RIC1: variants seen among roughly 807,000 people sequenced by gnomAD.
RIC1 encodes RIC1 partner of RAB6A GEF complex.
A neutral mutation model predicts 169.0 loss-of-function variants in RIC1; 88 were observed. The observed-to-expected ratio is 0.52, with a 90% CI of 0.44 to 0.62. The LOEUF is 0.62. Among genes scored for constraint, RIC1 ranks in the 20% least tolerant of loss-of-function variants. RIC1 has a pLI of 0.00. For synonymous variants in RIC1, 790 were observed against 601.5 expected (o/e 1.31, Z -4.59); for missense variants, 1,877 against 1,725.5 (o/e 1.09, Z -1.56).
At chr9:5,739,807 A>C (rs186562954) in intron 8 of RIC1, among the ~76,000 whole-genome samples, 4 of 152,142 alleles carry the variant, frequency 2.6e-5, no homozygotes, top group Non-Finnish European at 5.9e-5. Context: ...AACTCAGTGA[A>C]TCTAGCTTCA....
chr9:5,670,519 T>C (rs924022031), intron 2 of RIC1, among the ~76,000 whole-genome samples: 3 of 152,238 alleles, frequency 2.0e-5, no homozygotes, highest in African/African-American at 4.8e-5. Context: ...GACCTACTTA[T>C]TGTATATTAC....
intron 2 of RIC1, among the ~76,000 whole-genome samples, chr9:5,663,073 T>C (rs1029171359): frequency 6.6e-6 from 1 of 152,232 alleles, no homozygotes; most frequent in Non-Finnish European, 1.5e-5. Context: ...ATTTCTGCCT[T>C]AATTTCATTA....
chr9:5,742,690 A>G (rs899822547), intron 8 of RIC1, among the ~76,000 whole-genome samples, 179 bp from the exon 9 acceptor site: 1 of 152,126 alleles, frequency 6.6e-6, no homozygotes, highest in Admixed American at 6.5e-5. Context: ...AGATCAGGAC[A>G]AAACTAATGG....
rs939394509 is a variant in RIC1 at position 5,744,936 on chromosome 9, G to C, written c.1096-995G>C. Among the ~76,000 whole-genome samples the C allele has an allele frequency of 2.6e-5, 4 of 152,150 alleles. No individual in the cohort carries two copies. The South Asian group carries it at 8.3e-4, about 32-fold the overall frequency. On this transcript the variant is annotated intron_variant, in intron 10 of 25. Coordinates refer to ENST00000414202, the MANE Select transcript of RIC1 (RefSeq NM_020829.4). ...TCTTCTCTCTTGCTCCACAGAGGAA[G>C]ACATTCTTCTGATCTTGAGTTTCTT...
chr9:5,679,012 A>T (rs1048371109), intron 2 of RIC1, among the ~76,000 whole-genome samples: 1 of 151,924 alleles, frequency 6.6e-6, no homozygotes, highest in Non-Finnish European at 1.5e-5. Flanking sequence ...ATCTTGAATT[A>T]ATTTTTGTAT....
intron 3 of RIC1, among the ~76,000 whole-genome samples, chr9:5,708,640 A>T (rs897633491): frequency 6.6e-6 from 1 of 152,024 alleles, no homozygotes; most frequent in African/African-American, 2.4e-5. Context: ...GATCTCTTGT[A>T]TGTGAGGAGT....
intron 12 of RIC1, among the ~76,000 whole-genome samples, chr9:5,749,378 T>G (rs1479815033): frequency 6.6e-6 from 1 of 152,198 alleles, no homozygotes; most frequent in Admixed American, 6.5e-5. Context: ...GTCTATATAA[T>G]GCTAAACTTT....
intron 3 of RIC1, among the ~76,000 whole-genome samples, chr9:5,707,767 T>G (rs189062316): frequency 1.3e-5 from 2 of 152,282 alleles, no homozygotes; most frequent in East Asian, 1.9e-4. Flanking sequence ...TCCTTGGATC[T>G]AAAGTAATTT....
intron 25 of RIC1, 55 bp from the exon 26 acceptor site, chr9:5,773,903 C>T: frequency 6.8e-7 from 1 of 1,469,926 alleles, no homozygotes; most frequent in Non-Finnish European, 9.2e-7. Flanking sequence ...CCGTAATGTT[C>T]TACCAAACCT....
At chr9:5,717,629 G>C (rs753503077) in intron 4 of RIC1, among the ~76,000 whole-genome samples, 5 of 152,290 alleles carry the variant, frequency 3.3e-5, no homozygotes, top group Non-Finnish European at 5.9e-5. Flanking sequence ...TGGATCACCT[G>C]AGGTCAGGAG....
chr9:5,669,935 G>A (rs1404858777), intron 2 of RIC1, among the ~76,000 whole-genome samples: 2 of 152,174 alleles, frequency 1.3e-5, no homozygotes, highest in Non-Finnish European at 2.9e-5. Context: ...TATCAAGTGT[G>A]GGGGTCTTGC....
chr9:5,746,456 C>T (rs1825381369), intron 11 of RIC1, among the ~76,000 whole-genome samples: 1 of 151,838 alleles, frequency 6.6e-6, no homozygotes. Flanking sequence ...GTTTTGTTTC[C>T]ATATAAGTGT....
chr9:5,766,711 A>G (rs182536769), intron 21 of RIC1, among the ~76,000 whole-genome samples: 1 of 152,296 alleles, frequency 6.6e-6, no homozygotes, highest in East Asian at 1.9e-4. Flanking sequence ...ATTCCATCAT[A>G]TATACGTATA....
Position 5,763,886 on chromosome 9 carries a change from A to C in RIC1, c.2841+18A>C. 1 of 1,587,362 alleles carries C rather than the reference A, an allele frequency of 6.3e-7. No individual in the cohort carries two copies. ...TCTTACAGGTAACAATTCTCTTCTTATAAAGGGGCAAGAATTAATGAGCTT... is the reference window on the plus strand; with the variant it reads ...TCTTACAGGTAACAATTCTCTTCTTCTAAAGGGGCAAGAATTAATGAGCTT... On this transcript the variant is annotated intron_variant, in intron 19 of 25. Coordinates refer to ENST00000414202, the MANE Select transcript of RIC1 (RefSeq NM_020829.4). The surrounding 1 kb of genome is among the most constrained non-coding windows in gnomAD (Gnocchi z 5.2).
At chr9:5,641,886 T>C (rs1818269242) in intron 1 of RIC1, among the ~76,000 whole-genome samples, 1 of 144,534 alleles carries the variant, frequency 6.9e-6, no homozygotes, top group East Asian at 1.9e-4. Flanking sequence ...GCCTGAAAGG[T>C]CACATATCTA....
chr9:5,683,953 G>C (rs908338648), intron 2 of RIC1, among the ~76,000 whole-genome samples: 2 of 152,196 alleles, frequency 1.3e-5, no homozygotes, highest in Non-Finnish European at 2.9e-5. Context: ...CCAGGTGCGG[G>C]ATATAATCTC....
intron 6 of RIC1, among the ~76,000 whole-genome samples, chr9:5,728,971 T>TG (rs1824183577): frequency 6.6e-6 from 1 of 152,176 alleles, no homozygotes; most frequent in South Asian, 2.1e-4. Context: ...GTTATTTACT[T>TG]GGGGGTCCTC....
In RIC1 at chr9:5,742,809, A is replaced by C. The variant is rs556003300; in HGVS notation, c.902-60A>C. 2.1e-4 allele frequency: 312 copies of C among 1,457,818 alleles called. 3 individuals are homozygous for C. The highest frequency in any genetic ancestry group is 2.7e-4 in the Non-Finnish European group (288 of 1,070,196). 90.3% of individuals were successfully genotyped at this position (1,457,818 alleles called of 1,614,324 possible). On this transcript the variant is annotated intron_variant, in intron 8 of 25. Transcript: ENST00000414202. ...TACAGATTGTATTTGAAAAAAAAAA[A>C]AAAACAAGTATTTCTGAAGCAACTA...
At chr9:5,702,340 A>G (rs538991124) in intron 3 of RIC1, among the ~76,000 whole-genome samples, 15 of 152,272 alleles carry the variant, frequency 9.9e-5, no homozygotes, top group African/African-American at 3.6e-4. Context: ...TTTATAAAGA[A>G]AAGAGGTTTA....
Sources: allele counts gnomAD v4.1 joint callset (sites outside exome capture counted in the v4.1 genomes callset), GRCh38; gene constraint gnomAD v4.1.1; non-coding constraint Gnocchi (gnomAD v3.1); transcripts MANE v1.5; gene names NCBI Gene and HGNC (gene_info 2026-07-23, HGNC 2026-07-21).